Variants in BRIP1 observed in about 807,000 individuals in gnomAD.
BRIP1 encodes the protein BRCA1 interacting DNA helicase 1, also known as Fanconi anemia group J protein.
A neutral mutation model predicts 119.7 loss-of-function variants in BRIP1; 88 were observed. That is an observed-to-expected ratio of 0.74 (90% confidence interval 0.62 to 0.88). BRIP1 has a LOEUF of 0.88. BRIP1 is among the 40% of genes least tolerant of loss of function. The pLI, the probability that BRIP1 is intolerant of heterozygous loss-of-function variation, is 0.00. For missense variants in BRIP1, 1,259 were observed against 1,455.4 expected (o/e 0.87, Z 2.20); for synonymous variants, 443 against 496.5 (o/e 0.89, Z 1.43).
At position 61,735,145 on chromosome 17, in the gene BRIP1, G is replaced by A. The variant is rs929557551; in HGVS notation, c.2379+7868C>T. 2.0e-5 allele frequency among the ~76,000 whole-genome samples: 3 copies of A among 152,116 alleles called. No homozygotes were observed. The highest frequency in any genetic ancestry group is 7.2e-5 in the African/African-American group (3 of 41,420). Reference sequence around the variant, plus strand: ...CTCTTTTCATAGGGAATAGGAGTATGGCAGACACACCCTAAGGTGATATAC... The same window carrying A: ...CTCTTTTCATAGGGAATAGGAGTATAGCAGACACACCCTAAGGTGATATAC... On this transcript the variant is annotated intron_variant, in intron 16 of 19. Coordinates refer to ENST00000259008, the MANE Select transcript of BRIP1 (RefSeq NM_032043.3). This position sits in a 1 kb window ranked among gnomAD's most constrained non-coding sequence, Gnocchi z 4.4.
chr17:61,721,692 C>CTT lies in BRIP1; in HGVS notation c.2380-5631_2380-5630dup, dbSNP rs71150632. ...GACATATAAAGGACATAGACTTTGCCTTTTTTTTTTTTTTTTTTTTTTTTG... is the reference window on the plus strand; with the variant it reads ...GACATATAAAGGACATAGACTTTGCCTTTTTTTTTTTTTTTTTTTTTTTTTTG... On this transcript the variant is annotated intron_variant, in intron 16 of 19. Coordinates refer to ENST00000259008, the MANE Select transcript of BRIP1 (RefSeq NM_032043.3). Among the ~76,000 whole-genome samples, 479 of 73,626 alleles carry CTT rather than the reference C, an allele frequency of 6.5e-3. 4 individuals are homozygous for CTT. The highest frequency in any genetic ancestry group is 0.019 in the African/African-American group (332 of 17,266). The allele number at this position is 73,626 out of a possible 152,430, so 48.3% of individuals were successfully genotyped here. A position where few individuals can be genotyped will look rare whatever the true frequency, so the allele number is the denominator to read the frequency against.
intron 6 of BRIP1, among the ~76,000 whole-genome samples, chr17:61,829,728 A>C (rs1321817226): frequency 6.6e-6 from 1 of 152,166 alleles, no homozygotes; most frequent in Non-Finnish European, 1.5e-5. Flanking sequence ...AAAAACACCT[A>C]GTTAGTGTTT....
chr17:61,731,531 C>T (rs970498055), intron 16 of BRIP1, among the ~76,000 whole-genome samples: 2 of 152,256 alleles, frequency 1.3e-5, no homozygotes, highest in Non-Finnish European at 2.9e-5. Flanking sequence ...TTCTCTCAGA[C>T]TCACAACTTC....
At chr17:61,697,014 A>C (rs1472639837) in intron 17 of BRIP1, among the ~76,000 whole-genome samples, 1 of 138,632 alleles carries the variant, frequency 7.2e-6, no homozygotes, top group Non-Finnish European at 1.6e-5. Context: ...GGGGGGGGGA[A>C]GTGTTTTGAT....
At position 61,846,561 on chromosome 17, in the gene BRIP1, AT is replaced by A. The variant is rs1326495132; in HGVS notation, c.627+539del. On this transcript the variant is annotated intron_variant, in intron 6 of 19. Transcript: ENST00000259008. The surrounding 1 kb of genome is among the most constrained non-coding windows in gnomAD (Gnocchi z 4.3). ...ACCACAACACCCGGCTAATTTTTGT[AT>A]TTTTTGTAGAATCAGGGTTTCGCCA... Among the ~76,000 whole-genome samples the A allele has an allele frequency of 6.6e-6, 1 of 151,882 alleles. No homozygotes were observed. The highest frequency in any genetic ancestry group is 1.5e-5 in the Non-Finnish European group (1 of 67,978).
In BRIP1 at chr17:61,793,352, T is replaced by A. The variant is rs1603340191; in HGVS notation, c.1473+245A>T. Among the ~76,000 whole-genome samples the A allele has an allele frequency of 1.3e-5, 2 of 152,252 alleles. No individual in the cohort carries two copies. Among genetic ancestry groups the A allele is most frequent in the Admixed American group, 1.3e-4 (2 of 15,290 alleles). On this transcript the variant is annotated intron_variant, in intron 10 of 19. Transcript: ENST00000259008. The surrounding 1 kb of genome is among the most constrained non-coding windows in gnomAD (Gnocchi z 5.2). The stretch of plus-strand genomic sequence containing the variant: ...CTAAAAATATTGACTCCTTTTAGCT[T>A]TAAACAAAGCAATTAATCCCTTTAA...
chr17:61,829,413 C>T (rs1183047862), intron 6 of BRIP1, among the ~76,000 whole-genome samples: 1 of 151,538 alleles, frequency 6.6e-6, no homozygotes, highest in Non-Finnish European at 1.5e-5. Flanking sequence ...CCATGAAAAC[C>T]CATGAAGCAA....
rs1567731308 is a variant in BRIP1 at position 61,685,917 on chromosome 17, A to G, written c.2824T>C (p.Cys942Arg). 3 of 1,614,082 alleles carry G rather than the reference A, an allele frequency of 1.9e-6. No homozygotes were observed. Among genetic ancestry groups the G allele is most frequent in the Non-Finnish European group, 2.5e-6 (3 of 1,179,952 alleles). ...TTAGGACACTGTAGTTCCTGGACACATATCTTTGCTTCATCTTCCACAAAA... is the reference window on the plus strand; with the variant it reads ...TTAGGACACTGTAGTTCCTGGACACGTATCTTTGCTTCATCTTCCACAAAA... The part of the protein sequence containing the change: ...ENFVEDEAKI[C>R]VQELQCPKII... The change falls in exon 19 of 20, where the codon TGT becomes CGT. Residue 942 changes from cysteine (C) to arginine (R), a missense_variant. Physicochemically the swap from Cys to Arg is radical, Grantham distance 180. Around this residue, in one of 3 missense-constraint regions of BRIP1, gnomAD observed 753 missense variants for 891.8 expected, o/e 0.84. Coordinates refer to ENST00000259008, the MANE Select transcript of BRIP1 (RefSeq NM_032043.3).
rs2076975495 is a variant in BRIP1, at chr17:61,740,746, T to C, written c.2379+2267A>G. ...ATTATGTCTCAAAAGCCAATGTATA[T>C]ACCTTAACTTGAAAATATTTTATTG... On this transcript the variant is annotated intron_variant, in intron 16 of 19. Coordinates refer to ENST00000259008, the MANE Select transcript of BRIP1 (RefSeq NM_032043.3). This position sits in a 1 kb window ranked among gnomAD's most constrained non-coding sequence, Gnocchi z 5.4. Among the ~76,000 whole-genome samples the C allele has an allele frequency of 6.6e-6, 1 of 152,224 alleles. No individual in the cohort carries two copies. Among genetic ancestry groups the C allele is most frequent in the South Asian group, 2.1e-4 (1 of 4,832 alleles).
intron 4 of BRIP1, among the ~76,000 whole-genome samples, chr17:61,850,599 G>A (rs1027431313): frequency 7.3e-5 from 11 of 150,768 alleles, no homozygotes; most frequent in Non-Finnish European, 1.2e-4. Flanking sequence ...AGGCCGAGGC[G>A]AGTGGATCAC....
chr17:61,696,643 C>T (rs1360043882), intron 17 of BRIP1, among the ~76,000 whole-genome samples: 7 of 149,560 alleles, frequency 4.7e-5, no homozygotes, highest in Admixed American at 6.7e-5. Flanking sequence ...TGAGATCACG[C>T]CACTGCATTC....
chr17:61,832,571 A>C lies in BRIP1; in HGVS notation c.627+14530T>G, dbSNP rs2078509986. ...CACTTCTGTGACATTCCTGCCAAAG[A>C]TAAATAACCTCAGTCTAATGAGAAA... On this transcript the variant is annotated intron_variant, in intron 6 of 19. Transcript: ENST00000259008. The surrounding 1 kb of genome is among the most constrained non-coding windows in gnomAD (Gnocchi z 5.5). Among the ~76,000 whole-genome samples the C allele has an allele frequency of 6.6e-6, 1 of 152,240 alleles. No homozygotes were observed. Among genetic ancestry groups the C allele is most frequent in the Non-Finnish European group, 1.5e-5 (1 of 68,044 alleles).
Position 61,857,094 on chromosome 17 carries a change from G to A in BRIP1, c.343C>T (p.Pro115Ser), listed in dbSNP as rs876659142. 1.2e-6 allele frequency: 2 copies of A among 1,614,100 alleles called. No homozygotes were observed. Among genetic ancestry groups the A allele is most frequent in the Admixed American group, 3.3e-5 (2 of 60,018 alleles). ...GATGAAGTGCCATTTCTTTCAGAAG[G>A]TGGTGTGCTTGGATAGTTGAAATGA... ...SRHFNYPSTP[P>S]SERNGTSSTC... The change falls in exon 4 of 20, where the codon CCT (proline) becomes TCT (serine). Residue 115 changes from proline (P) to serine (S), a missense_variant. Coordinates refer to ENST00000259008, the MANE Select transcript of BRIP1 (RefSeq NM_032043.3). The surrounding 1 kb of genome is among the most constrained non-coding windows in gnomAD (Gnocchi z 5.1).
rs545076175 is a variant in BRIP1, at chr17:61,831,153, T to C, written c.627+15948A>G. On this transcript the variant is annotated intron_variant, in intron 6 of 19. Transcript: ENST00000259008. The surrounding 1 kb of genome is among the most constrained non-coding windows in gnomAD (Gnocchi z 4.1). ...TGACAAAGGGCATAGACAGAACACCTAGCACAAATGTCATACAGAACAGTG... is the reference window on the plus strand; with the variant it reads ...TGACAAAGGGCATAGACAGAACACCCAGCACAAATGTCATACAGAACAGTG... Among the ~76,000 whole-genome samples, 1 of 152,328 alleles carries C rather than the reference T, an allele frequency of 6.6e-6. No homozygotes were observed. The highest frequency in any genetic ancestry group is 2.1e-4 in the South Asian group (1 of 4,824).
intron 4 of BRIP1, among the ~76,000 whole-genome samples, chr17:61,855,054 A>G (rs1191292766): frequency 1.3e-5 from 2 of 150,918 alleles, no homozygotes; most frequent in Non-Finnish European, 2.9e-5. Context: ...TATAAACTAT[A>G]GAAAATGCAA....
At position 61,804,395 on chromosome 17, in the gene BRIP1, G is replaced by A. The variant is rs2078040421; in HGVS notation, c.919-2921C>T. Among the ~76,000 whole-genome samples, 1 of 151,080 alleles carries A rather than the reference G, an allele frequency of 6.6e-6. No homozygotes were observed. The highest frequency in any genetic ancestry group is 6.6e-5 in the Admixed American group (1 of 15,120). ...TTATATCAGGGATAAAAGACTTTGAGGCAGCTATATACATATGTGTGTGTG... is the reference window on the plus strand; with the variant it reads ...TTATATCAGGGATAAAAGACTTTGAAGCAGCTATATACATATGTGTGTGTG... On this transcript the variant is annotated intron_variant, in intron 7 of 19. Coordinates refer to ENST00000259008, the MANE Select transcript of BRIP1 (RefSeq NM_032043.3). The surrounding 1 kb of genome is among the most constrained non-coding windows in gnomAD (Gnocchi z 4.5).
rs1305774824 is a variant in BRIP1, at chr17:61,680,188, A to G, written c.*3108T>C. On this transcript the variant is annotated 3_prime_UTR_variant, in exon 20 of 20. Transcript: ENST00000259008. The stretch of plus-strand genomic sequence containing the variant: ...TGAAACCCTGTCGATACTTAAAAAA[A>G]AAAAAAAAAAAAAATTAGCTGGGTG... Among the ~76,000 whole-genome samples, 1 of 151,136 alleles carries G rather than the reference A, an allele frequency of 6.6e-6. No homozygotes were observed. Among genetic ancestry groups the G allele is most frequent in the Non-Finnish European group, 1.5e-5 (1 of 67,800 alleles).
intron 6 of BRIP1, among the ~76,000 whole-genome samples, chr17:61,811,991 T>C (rs1347637153): frequency 6.6e-6 from 1 of 152,086 alleles, no homozygotes; most frequent in Non-Finnish European, 1.5e-5. Context: ...TACAATCATA[T>C]TTGAAGACAG....
At chr17:61,783,173 A>G (rs2145123403) in intron 11 of BRIP1, among the ~76,000 whole-genome samples, 1 of 152,314 alleles carries the variant, frequency 6.6e-6, no homozygotes, top group Middle Eastern at 3.4e-3. Flanking sequence ...GAATAAATTA[A>G]CAAATTGTGG....
Sources: gnomAD v4.1 joint callset for allele counts (sites outside exome capture counted in the v4.1 genomes callset) on GRCh38, gnomAD v4.1.1 for gene constraint, gnomAD v4.1.1 regional missense constraint, Gnocchi (gnomAD v3.1) non-coding constraint, MANE v1.5 for transcripts, NCBI Gene and HGNC (gene_info 2026-07-23, HGNC 2026-07-21) for gene names.